RIMS2: variants seen among roughly 807,000 people sequenced by gnomAD.
RIMS2 encodes regulating synaptic membrane exocytosis 2.
In RIMS2, 59 loss-of-function variants were observed where a neutral mutation model predicts 174.4. That is an observed-to-expected ratio of 0.34 (90% confidence interval 0.27 to 0.42). The LOEUF (loss-of-function observed/expected upper bound fraction) is 0.42, where lower values mean the gene tolerates loss of function less well. Among genes scored for constraint, RIMS2 ranks in the 10% least tolerant of loss-of-function variants. The pLI, the probability that RIMS2 is intolerant of heterozygous loss-of-function variation, is 1.00. For synonymous variants in RIMS2, 606 were observed against 572.5 expected (o/e 1.06, Z -0.84); for missense variants, 1,620 against 1,666.3 (o/e 0.97, Z 0.48).
chr8:104,002,535 T>C (rs2095428875), intron 17 of RIMS2, among the ~76,000 whole-genome samples: 1 of 152,290 alleles, frequency 6.6e-6, no homozygotes, highest in Non-Finnish European at 1.5e-5. Flanking sequence ...AAAAAGAAAG[T>C]AGCATCAGTA....
chr8:103,691,833 A>G (rs1447569145), intron 1 of RIMS2, among the ~76,000 whole-genome samples: 1 of 152,114 alleles, frequency 6.6e-6, no homozygotes, highest in Non-Finnish European at 1.5e-5. Context: ...CCTTCTTGGT[A>G]AAGCTTTCCA....
chr8:103,654,148 T>C (rs534091095), intron 1 of RIMS2, among the ~76,000 whole-genome samples: 15 of 152,134 alleles, frequency 9.9e-5, no homozygotes, highest in African/African-American at 3.6e-4. Context: ...AATTTTGTCT[T>C]GGTTTTAAAT....
chr8:103,834,397 C>T (rs1321032876), intron 3 of RIMS2, among the ~76,000 whole-genome samples: 3 of 138,840 alleles, frequency 2.2e-5, no homozygotes, highest in Non-Finnish European at 3.0e-5. Flanking sequence ...AGTGCTGTGG[C>T]ACAATTATTG....
intron 19 of RIMS2, among the ~76,000 whole-genome samples, chr8:104,206,644 T>C (rs2099081635): frequency 6.6e-6 from 1 of 152,218 alleles, no homozygotes; most frequent in Admixed American, 6.5e-5. Context: ...TTTACAAGTA[T>C]AGAGATTTTA....
intron 1 of RIMS2, among the ~76,000 whole-genome samples, chr8:103,603,984 C>CAGA (rs2094905453): frequency 1.3e-5 from 2 of 148,660 alleles, no homozygotes; most frequent in Non-Finnish European, 3.0e-5. Context: ...TTTTGCTGTG[C>CAGA]AGAAGCTCTT....
At chr8:103,926,318 G>T (rs2078771952) in intron 10 of RIMS2, among the ~76,000 whole-genome samples, 1 of 151,430 alleles carries the variant, frequency 6.6e-6, no homozygotes, top group African/African-American at 2.4e-5. Flanking sequence ...ATTTGCTAAA[G>T]CATTATAATA....
chr8:104,124,690 C>A (rs1276650126), intron 19 of RIMS2, among the ~76,000 whole-genome samples: 1 of 152,130 alleles, frequency 6.6e-6, no homozygotes, highest in Non-Finnish European at 1.5e-5. Context: ...ATATGCTCTT[C>A]CAATTGGACC....
At chr8:103,571,666 G>A (rs1289563493) in intron 1 of RIMS2, among the ~76,000 whole-genome samples, 1 of 151,926 alleles carries the variant, frequency 6.6e-6, no homozygotes, top group Non-Finnish European at 1.5e-5. Context: ...AATACTTTTT[G>A]TTGTGAGTAA....
intron 3 of RIMS2, among the ~76,000 whole-genome samples, chr8:103,875,857 G>A (rs1313192744): frequency 6.6e-6 from 1 of 151,992 alleles, no homozygotes; most frequent in Non-Finnish European, 1.5e-5. Context: ...TTTTTCTTGT[G>A]ATTAGAGATG....
At chr8:104,125,922 T>A (rs990538517) in intron 19 of RIMS2, among the ~76,000 whole-genome samples, 1 of 152,164 alleles carries the variant, frequency 6.6e-6, no homozygotes, top group African/African-American at 2.4e-5. Context: ...TTCCTGAAGG[T>A]CTCTTCCAAT....
intron 19 of RIMS2, among the ~76,000 whole-genome samples, chr8:104,048,754 A>G (rs1051330221): frequency 2.0e-5 from 3 of 152,320 alleles, no homozygotes; most frequent in South Asian, 2.1e-4. Context: ...TTTGAAAGAA[A>G]TTGAAAGTAA....
intron 19 of RIMS2, among the ~76,000 whole-genome samples, chr8:104,224,034 C>A (rs1488026514): frequency 2.6e-5 from 4 of 152,218 alleles, no homozygotes; most frequent in African/African-American, 9.7e-5. Context: ...AGTTGTATTA[C>A]AAGTGCTTGG....
At chr8:103,645,076 T>C (rs2096300186) in intron 1 of RIMS2, among the ~76,000 whole-genome samples, 1 of 152,078 alleles carries the variant, frequency 6.6e-6, no homozygotes, top group Admixed American at 6.6e-5. Flanking sequence ...TCTTTGCCAT[T>C]ATCTTTTTAT....
At chr8:104,133,844 AT>A (rs2098494743) in intron 19 of RIMS2, among the ~76,000 whole-genome samples, 1 of 152,198 alleles carries the variant, frequency 6.6e-6, no homozygotes, top group African/African-American at 2.4e-5. Context: ...GTAAATAGTT[AT>A]ACTCTTTACT....
chr8:104,060,270 G>T (rs1454597282), intron 19 of RIMS2, among the ~76,000 whole-genome samples: 1 of 150,540 alleles, frequency 6.6e-6, no homozygotes, highest in Non-Finnish European at 1.5e-5. Flanking sequence ...TCTATTCAGA[G>T]ATTCAACTTC....
At chr8:103,761,804 G>A (rs1248153298) in intron 2 of RIMS2, among the ~76,000 whole-genome samples, 1 of 152,136 alleles carries the variant, frequency 6.6e-6, no homozygotes, top group African/African-American at 2.4e-5. Context: ...TTATAAGCAG[G>A]TTGGCAATGG....
At chr8:103,892,638 C>T (rs2099253623) in intron 4 of RIMS2, among the ~76,000 whole-genome samples, 2 of 152,026 alleles carry the variant, frequency 1.3e-5, no homozygotes, top group Non-Finnish European at 2.9e-5. Context: ...TAATGTGAGT[C>T]TTAGGACTTT....
At chr8:104,079,426 T>C (rs1362792439) in intron 19 of RIMS2, among the ~76,000 whole-genome samples, 1 of 151,608 alleles carries the variant, frequency 6.6e-6, no homozygotes, top group Non-Finnish European at 1.5e-5. Flanking sequence ...AGTTGCTAGC[T>C]TGTTAACAGC....
At chr8:104,121,064 A>G (rs887589296) in intron 19 of RIMS2, among the ~76,000 whole-genome samples, 5 of 151,892 alleles carry the variant, frequency 3.3e-5, no homozygotes, top group African/African-American at 1.2e-4. Flanking sequence ...TGCTACACAT[A>G]GGCAATTATG....
Sources: allele counts gnomAD v4.1 joint callset (sites outside exome capture counted in the v4.1 genomes callset), GRCh38; gene constraint gnomAD v4.1.1; transcripts MANE v1.5; gene names NCBI Gene and HGNC (gene_info 2026-07-23, HGNC 2026-07-21).